Variants in MAP2K5 observed in about 807,000 individuals in gnomAD.
The protein encoded by MAP2K5 is dual specificity mitogen-activated protein kinase kinase 5.
MAP2K5 carries 49 observed loss-of-function variants against 83.1 expected under a neutral mutation model. That is an observed-to-expected ratio of 0.59 (90% CI 0.47 to 0.75). The LOEUF is 0.75. Ranked by LOEUF, MAP2K5 falls within the 30% of genes least tolerant of loss-of-function variation. The pLI is 0.00. For synonymous variants in MAP2K5, 202 were observed against 191.8 expected (o/e 1.05, Z -0.44); for missense variants, 457 against 557.5 (o/e 0.82, Z 1.82).
chr15:67,747,801 C>T lies in MAP2K5; in HGVS notation c.1075-430C>T, dbSNP rs1198230106. Among the ~76,000 whole-genome samples, 1 of 152,124 alleles carries T rather than the reference C, an allele frequency of 6.6e-6. No individual in the cohort carries two copies. The highest frequency in any genetic ancestry group is 1.5e-5 in the Non-Finnish European group (1 of 68,022). On this transcript the variant is annotated intron_variant, in intron 17 of 21. Transcript: ENST00000178640. This position sits in a 1 kb window ranked among gnomAD's most constrained non-coding sequence, Gnocchi z 4.1. ...ATTGTGAGCAGACACTGGCAGGAATCCAAAATTCTAATTTCTGACTATGAT... is the reference window on the plus strand; with the variant it reads ...ATTGTGAGCAGACACTGGCAGGAATTCAAAATTCTAATTTCTGACTATGAT...
intron 17 of MAP2K5, among the ~76,000 whole-genome samples, chr15:67,744,190 A>G (rs994427425): frequency 3.3e-5 from 5 of 152,330 alleles, no homozygotes; most frequent in Non-Finnish European, 7.3e-5. Flanking sequence ...ATATTTAGCC[A>G]GGGTTATAGC....
intron 8 of MAP2K5, among the ~76,000 whole-genome samples, chr15:67,617,289 G>T (rs1445359697): frequency 6.6e-6 from 1 of 152,110 alleles, no homozygotes; most frequent in Non-Finnish European, 1.5e-5. Flanking sequence ...CACTAGGAAA[G>T]CACATATGCT....
intron 3 of MAP2K5, among the ~76,000 whole-genome samples, chr15:67,564,695 G>A (rs1019229204): frequency 1.3e-5 from 2 of 152,210 alleles, no homozygotes; most frequent in East Asian, 3.8e-4. Flanking sequence ...GAGTAGGATT[G>A]TCTGCTGAAA....
At chr15:67,731,300 G>T (rs1416572624) in intron 17 of MAP2K5, among the ~76,000 whole-genome samples, 1 of 152,148 alleles carries the variant, frequency 6.6e-6, no homozygotes, top group African/African-American at 2.4e-5. Context: ...CAGTGAGGTC[G>T]CAGAGAGGGA....
rs187879244 is a variant in MAP2K5, at chr15:67,671,435, T to C, written c.847+6790T>C. Among the ~76,000 whole-genome samples, 237 of 152,240 alleles carry C rather than the reference T, an allele frequency of 1.6e-3. 3 individuals carry two copies. Among genetic ancestry groups the C allele is most frequent in the South Asian group, 0.011 (51 of 4,820 alleles). ...TGTTTTAAAACTGAAGATAAGAGACTAAAGTATAAAACAAATAATTGAAAA... is the reference window on the plus strand; with the variant it reads ...TGTTTTAAAACTGAAGATAAGAGACCAAAGTATAAAACAAATAATTGAAAA... On this transcript the variant is annotated intron_variant, in intron 13 of 21. Coordinates refer to ENST00000178640, the MANE Select transcript of MAP2K5 (RefSeq NM_145160.3).
In MAP2K5 at chr15:67,698,349, G is replaced by C. The variant is rs551700349; in HGVS notation, c.972+4781G>C. Among the ~76,000 whole-genome samples, 1 of 151,830 alleles carries C rather than the reference G, an allele frequency of 6.6e-6. No individual in the cohort carries two copies. Among genetic ancestry groups the C allele is most frequent in the Non-Finnish European group, 1.5e-5 (1 of 67,942 alleles). ...ATTACAGGCGTGCACCACCACGCCC[G>C]GCTAATTTTTGTATTTTTAGTAGAG... On this transcript the variant is annotated intron_variant, in intron 15 of 21. Transcript: ENST00000178640. The surrounding 1 kb of genome is among the most constrained non-coding windows in gnomAD (Gnocchi z 4.5).
intron 8 of MAP2K5, among the ~76,000 whole-genome samples, chr15:67,624,716 G>A (rs548228846): frequency 1.3e-5 from 2 of 151,846 alleles, no homozygotes; most frequent in East Asian, 3.9e-4. Context: ...TGCACCGTCT[G>A]CCTCCTGGGT....
At chr15:67,550,512 G>T (rs956811389) in intron 2 of MAP2K5, among the ~76,000 whole-genome samples, 2 of 152,228 alleles carry the variant, frequency 1.3e-5, no homozygotes, top group African/African-American at 4.8e-5. Flanking sequence ...GCTTAGCAGG[G>T]ATGCTAGATG....
chr15:67,673,135 G>A (rs2087588896), intron 13 of MAP2K5, among the ~76,000 whole-genome samples: 1 of 151,994 alleles, frequency 6.6e-6, no homozygotes, highest in Non-Finnish European at 1.5e-5. Flanking sequence ...GGATTGACTT[G>A]GCAATGCGGT....
intron 11 of MAP2K5, among the ~76,000 whole-genome samples, chr15:67,655,670 A>T (rs2087055007): frequency 6.6e-6 from 1 of 152,106 alleles, no homozygotes; most frequent in Non-Finnish European, 1.5e-5. Flanking sequence ...GGATAGTTTG[A>T]TAATAATGTG....
rs563943872 is a variant in MAP2K5 at position 67,785,342 on chromosome 15, G to A, written c.1242+12590G>A. 1.4e-4 allele frequency among the ~76,000 whole-genome samples: 22 copies of A among 152,270 alleles called. No homozygotes were observed. In the South Asian group the frequency reaches 4.1e-3, roughly 29 times the overall value. On this transcript the variant is annotated intron_variant, in intron 21 of 21. Coordinates refer to ENST00000178640, the MANE Select transcript of MAP2K5 (RefSeq NM_145160.3). The surrounding 1 kb of genome is among the most constrained non-coding windows in gnomAD (Gnocchi z 4.4). The stretch of plus-strand genomic sequence containing the variant: ...TCTGTTTAGTTCAGTTCAGCTTTTT[G>A]GAGCAAAACGTTGTGAGCGAAGAAA...
intron 9 of MAP2K5, among the ~76,000 whole-genome samples, chr15:67,643,769 A>C (rs950534312): frequency 1.3e-5 from 2 of 148,308 alleles, no homozygotes; most frequent in Admixed American, 1.3e-4. Flanking sequence ...GATAGAAACC[A>C]CCTATGCCTT....
At position 67,640,148 on chromosome 15, in the gene MAP2K5, T is replaced by C. The variant is rs1288107043; in HGVS notation, c.586-6083T>C. Reference sequence around the variant, plus strand: ...TTACTCCGTGATTCCTGCAGATCCTTGCATATAGGGTATAGTACAAAGCAT... The same window carrying C: ...TTACTCCGTGATTCCTGCAGATCCTCGCATATAGGGTATAGTACAAAGCAT... On this transcript the variant is annotated intron_variant, in intron 9 of 21. Coordinates refer to ENST00000178640, the MANE Select transcript of MAP2K5 (RefSeq NM_145160.3). This position sits in a 1 kb window ranked among gnomAD's most constrained non-coding sequence, Gnocchi z 4.6. Among the ~76,000 whole-genome samples the C allele has an allele frequency of 1.3e-5, 2 of 152,216 alleles. No homozygotes were observed. Among genetic ancestry groups the C allele is most frequent in the Non-Finnish European group, 2.9e-5 (2 of 68,044 alleles).
chr15:67,712,584 G>C (rs1053345766), intron 16 of MAP2K5, among the ~76,000 whole-genome samples: 1 of 152,096 alleles, frequency 6.6e-6, no homozygotes, highest in Non-Finnish European at 1.5e-5. Context: ...GTAACAAAAG[G>C]AACTTTCAGA....
rs1484188731 is a variant in MAP2K5, at chr15:67,665,850, G to A, written c.847+1205G>A. Among the ~76,000 whole-genome samples the A allele has an allele frequency of 1.3e-5, 2 of 151,890 alleles. No individual in the cohort carries two copies. Among genetic ancestry groups the A allele is most frequent in the Non-Finnish European group, 2.9e-5 (2 of 67,964 alleles). ...AATAAGTGTGTAAACAAATTTGGTG[G>A]ATGAAAAAAAATTGAACATTTTTGA... On this transcript the variant is annotated intron_variant, in intron 13 of 21. Coordinates refer to ENST00000178640, the MANE Select transcript of MAP2K5 (RefSeq NM_145160.3). This position sits in a 1 kb window ranked among gnomAD's most constrained non-coding sequence, Gnocchi z 4.2.
chr15:67,635,591 C>T (rs1204450210), intron 9 of MAP2K5, among the ~76,000 whole-genome samples: 1 of 152,116 alleles, frequency 6.6e-6, no homozygotes, highest in Non-Finnish European at 1.5e-5. Context: ...AGATTTCCAT[C>T]TAGTAGTATT....
chr15:67,664,793 T>C, intron 13 of MAP2K5, 148 bp downstream of exon 13: 1 of 484,150 alleles, frequency 2.1e-6, no homozygotes, highest in South Asian at 4.5e-5. Context: ...AATGTTATTT[T>C]TCTTGTTTTC....
intron 15 of MAP2K5, among the ~76,000 whole-genome samples, chr15:67,701,885 G>C (rs1431181762): frequency 6.6e-6 from 1 of 152,184 alleles, no homozygotes; most frequent in Non-Finnish European, 1.5e-5. Flanking sequence ...TCACTGGAAA[G>C]AACTCTAATT....
intron 21 of MAP2K5, among the ~76,000 whole-genome samples, chr15:67,803,271 G>T (rs2090738871): frequency 6.6e-6 from 1 of 152,210 alleles, no homozygotes; most frequent in African/African-American, 2.4e-5. Context: ...GTATTATTCA[G>T]TGTGCTATCT....
Sources: gnomAD v4.1 joint callset for allele counts (sites outside exome capture counted in the v4.1 genomes callset) on GRCh38, gnomAD v4.1.1 for gene constraint, Gnocchi (gnomAD v3.1) non-coding constraint, MANE v1.5 for transcripts, NCBI Gene and HGNC (gene_info 2026-07-23, HGNC 2026-07-21) for gene names.